The following CADM2 variants were observed in gnomAD, a reference collection of about 807,000 sequenced individuals.
The protein encoded by CADM2 is immunoglobulin superfamily member 4D.
CADM2 carries 12 observed loss-of-function variants against 49.8 expected under a neutral mutation model. That is an observed-to-expected ratio of 0.24 (90% CI 0.15 to 0.39). CADM2 has a LOEUF of 0.39. Ranked by LOEUF, CADM2 falls within the 10% of genes least tolerant of loss-of-function variation. The pLI, the probability that CADM2 is intolerant of heterozygous loss-of-function variation, is 1.00. For synonymous variants in CADM2, 214 were observed against 175.4 expected (o/e 1.22, Z -1.74); for missense variants, 378 against 492.3 (o/e 0.77, Z 2.20).
rs1478489136 is a variant in CADM2, at chr3:85,264,441, A to G, written c.61+304773A>G. ...GACAATCGTATATCAGAAAAATACT[A>G]TACTAATTATATCATATCAACAGTA... On this transcript the variant is annotated intron_variant, in intron 1 of 9. Transcript: ENST00000383699. 4.6e-5 allele frequency among the ~76,000 whole-genome samples: 7 copies of G among 152,250 alleles called. No homozygotes were observed. In the South Asian group the frequency reaches 1.0e-3, roughly 23 times the overall value.
At chr3:86,006,933 C>T (rs1405749402) in intron 8 of CADM2, among the ~76,000 whole-genome samples, 3 of 151,878 alleles carry the variant, frequency 2.0e-5, no homozygotes, top group Non-Finnish European at 4.4e-5. Flanking sequence ...CCCAGCTACT[C>T]GGGAGGCTGA....
chr3:85,902,063 C>A (rs1169707189), intron 5 of CADM2, among the ~76,000 whole-genome samples: 4 of 151,978 alleles, frequency 2.6e-5, no homozygotes, highest in African/African-American at 7.2e-5. Flanking sequence ...TGCTTTGGGG[C>A]TTTTATTTTA....
At chr3:85,710,241 C>A (rs2067076540) in intron 1 of CADM2, among the ~76,000 whole-genome samples, 1 of 152,132 alleles carries the variant, frequency 6.6e-6, no homozygotes, top group Non-Finnish European at 1.5e-5. Context: ...CTTCTCAGGG[C>A]CTTTGCACTG....
chr3:84,977,472 A>G (rs116277009), intron 1 of CADM2, among the ~76,000 whole-genome samples: 1,607 of 152,152 alleles, frequency 0.011, 15 homozygotes, highest in Non-Finnish European at 0.017. Context: ...ATTCTCACAT[A>G]CAACTTAAAC....
chr3:85,490,989 G>T (rs1318304994), intron 1 of CADM2, among the ~76,000 whole-genome samples: 2 of 152,116 alleles, frequency 1.3e-5, no homozygotes, highest in Non-Finnish European at 2.9e-5. Context: ...ATATTTAAAA[G>T]AAATATATTT....
At chr3:85,978,206 G>A (rs911466170) in intron 8 of CADM2, among the ~76,000 whole-genome samples, 5 of 151,550 alleles carry the variant, frequency 3.3e-5, no homozygotes, top group Non-Finnish European at 7.4e-5. Flanking sequence ...AGTTCTCATA[G>A]CTTGACACTG....
At chr3:86,006,994 C>A (rs1443018653) in intron 8 of CADM2, among the ~76,000 whole-genome samples, 1 of 152,060 alleles carries the variant, frequency 6.6e-6, no homozygotes, top group Non-Finnish European at 1.5e-5. Context: ...GGGCCGAGAT[C>A]ACGCCATTGC....
intron 8 of CADM2, among the ~76,000 whole-genome samples, chr3:86,007,354 G>C (rs758013070): frequency 9.2e-5 from 14 of 152,150 alleles, no homozygotes; most frequent in Non-Finnish European, 1.6e-4. Context: ...TACTTGGACA[G>C]AGAAAAGAAG....
chr3:85,705,782 A>G (rs1181120773), intron 1 of CADM2, among the ~76,000 whole-genome samples: 3 of 152,228 alleles, frequency 2.0e-5, no homozygotes, highest in African/African-American at 7.2e-5. Flanking sequence ...AGGCCTAAGA[A>G]AAAAGAAGTT....
chr3:85,677,859 T>C (rs1289244162), intron 1 of CADM2, among the ~76,000 whole-genome samples: 1 of 152,166 alleles, frequency 6.6e-6, no homozygotes, highest in Non-Finnish European at 1.5e-5. Flanking sequence ...TTTCTGATTA[T>C]TATGATGGGG....
intron 1 of CADM2, among the ~76,000 whole-genome samples, chr3:85,553,013 G>A (rs1410444076): frequency 6.6e-6 from 1 of 151,804 alleles, no homozygotes; most frequent in African/African-American, 2.4e-5. Flanking sequence ...TTAAGTTTTT[G>A]ACTACATATG....
chr3:85,021,309 T>C (rs2034498586), intron 1 of CADM2, among the ~76,000 whole-genome samples: 1 of 152,168 alleles, frequency 6.6e-6, no homozygotes, highest in Non-Finnish European at 1.5e-5. Flanking sequence ...TAAATATTTT[T>C]GATACATCAA....
At chr3:85,407,511 T>A (rs1046701461) in intron 1 of CADM2, among the ~76,000 whole-genome samples, 1 of 152,200 alleles carries the variant, frequency 6.6e-6, no homozygotes, top group African/African-American at 2.4e-5. Context: ...CTTCTTCAGC[T>A]TTCAAAATTA....
At chr3:85,394,192 C>T (rs2034659756) in intron 1 of CADM2, among the ~76,000 whole-genome samples, 1 of 152,048 alleles carries the variant, frequency 6.6e-6, no homozygotes, top group Non-Finnish European at 1.5e-5. Flanking sequence ...TGAATTATCT[C>T]GGTTATTCTT....
At chr3:85,559,287 T>G (rs1180797454) in intron 1 of CADM2, among the ~76,000 whole-genome samples, 1 of 152,200 alleles carries the variant, frequency 6.6e-6, no homozygotes, top group Non-Finnish European at 1.5e-5. Context: ...CAATAGGAAT[T>G]AATTTTCTAG....
chr3:85,082,000 C>T (rs1403082355), intron 1 of CADM2, among the ~76,000 whole-genome samples: 1 of 152,096 alleles, frequency 6.6e-6, no homozygotes, highest in Non-Finnish European at 1.5e-5. Flanking sequence ...ACCTCATTTT[C>T]CTTCACAAAC....
intron 2 of CADM2, among the ~76,000 whole-genome samples, chr3:85,750,221 C>T (rs1234658775): frequency 6.6e-6 from 1 of 151,970 alleles, no homozygotes; most frequent in Non-Finnish European, 1.5e-5. Flanking sequence ...CTCACCAACT[C>T]CACATCTTTT....
intron 1 of CADM2, among the ~76,000 whole-genome samples, chr3:85,459,219 T>A (rs2038127839): frequency 6.6e-6 from 1 of 152,176 alleles, no homozygotes; most frequent in African/African-American, 2.4e-5. Flanking sequence ...AGGGGCAAGA[T>A]GGCTGCAGAA....
intron 1 of CADM2, among the ~76,000 whole-genome samples, chr3:85,558,192 A>G (rs1329821653): frequency 6.6e-6 from 1 of 151,944 alleles, no homozygotes; most frequent in African/African-American, 2.4e-5. Context: ...AAATTTATAG[A>G]TATGAATGTG....
Sources: gnomAD v4.1 joint callset for allele counts (sites outside exome capture counted in the v4.1 genomes callset) on GRCh38, gnomAD v4.1.1 for gene constraint, MANE v1.5 for transcripts, NCBI Gene and HGNC (gene_info 2026-07-23, HGNC 2026-07-21) for gene names.